FAM20B: variants seen among roughly 807,000 people sequenced by gnomAD.
FAM20B encodes FAM20B glycosaminoglycan xylosylkinase.
Under a neutral mutation model 43.8 loss-of-function variants are expected in FAM20B, and 23 were observed. The observed-to-expected ratio is 0.53, with a 90% CI of 0.38 to 0.74. The LOEUF (loss-of-function observed/expected upper bound fraction) is 0.74. Ranked by LOEUF, FAM20B falls within the 30% of genes least tolerant of loss-of-function variation. The probability of loss-of-function intolerance (pLI) is 0.00; values close to 1 mark genes in which losing one functional copy is unlikely to be tolerated. For synonymous variants in FAM20B, 178 were observed against 192.4 expected (o/e 0.93, Z 0.62); for missense variants, 440 against 510.5 (o/e 0.86, Z 1.33).
intron 7 of FAM20B, among the ~76,000 whole-genome samples, chr1:179,068,460 G>T (rs1447304502): frequency 1.3e-5 from 2 of 151,768 alleles, no homozygotes; most frequent in African/African-American, 4.8e-5. Context: ...TTTGGAGATG[G>T]AGTCTTGCTC....
intron 2 of FAM20B, among the ~76,000 whole-genome samples, chr1:179,046,666 AAAAT>A (rs1176966593): frequency 6.0e-5 from 9 of 151,122 alleles, no homozygotes; most frequent in East Asian, 2.0e-4. Context: ...AACGTAAAAT[AAAAT>A]AAATAAAGAG....
intron 4 of FAM20B, among the ~76,000 whole-genome samples, chr1:179,055,747 A>G (rs952604856): frequency 2.0e-5 from 3 of 152,122 alleles, no homozygotes; most frequent in East Asian, 3.9e-4. Flanking sequence ...GGAAAAGCAG[A>G]GGATTTGTAG....
intron 2 of FAM20B, among the ~76,000 whole-genome samples, chr1:179,048,429 T>A (rs1048248200): frequency 1.3e-5 from 2 of 152,256 alleles, no homozygotes; most frequent in Non-Finnish European, 2.9e-5. Context: ...CCAAAGTTCC[T>A]GTATTCCTCT....
At chr1:179,055,358 T>C (rs142705951) in intron 4 of FAM20B, among the ~76,000 whole-genome samples, 113 of 152,334 alleles carry the variant, frequency 7.4e-4, no homozygotes, top group African/African-American at 2.5e-3. Context: ...CATTAGGGCA[T>C]GACTGTTGAA....
At chr1:179,041,743 CG>C (rs1242823093) in intron 1 of FAM20B, among the ~76,000 whole-genome samples, 2 of 147,530 alleles carry the variant, frequency 1.4e-5, no homozygotes, top group Non-Finnish European at 3.0e-5. Context: ...GAGAGGGAGA[CG>C]GGCAGGGAAA....
intron 7 of FAM20B, among the ~76,000 whole-genome samples, chr1:179,071,431 T>C (rs1457990180): frequency 6.6e-6 from 1 of 152,234 alleles, no homozygotes; most frequent in East Asian, 1.9e-4. Flanking sequence ...GTTAACACTG[T>C]AGTGTACTTC....
At position 179,073,837 on chromosome 1, in the gene FAM20B, A is replaced by G. The variant is rs1652031658; in HGVS notation, c.*1693A>G. On this transcript the variant is annotated 3_prime_UTR_variant, in exon 8 of 8. Transcript: ENST00000263733. Reference sequence around the variant, plus strand: ...TGTGTTCTGGCAAAGTGATCTCAACATGTAAGTAGTTGCAGTAAAACACAG... The same window carrying G: ...TGTGTTCTGGCAAAGTGATCTCAACGTGTAAGTAGTTGCAGTAAAACACAG... 6.6e-6 allele frequency: 1 copy of G among 152,240 alleles called. No homozygotes were observed. Among genetic ancestry groups the G allele is most frequent in the Non-Finnish European group, 1.5e-5 (1 of 68,054 alleles). The allele number at this position is 152,240 out of a possible 1,614,324, so 9.4% of individuals were successfully genotyped here.
At chr1:179,021,290 G>A (rs1300176815), upstream of FAM20B, among the ~76,000 whole-genome samples, 4 of 151,974 alleles carry the variant, frequency 2.6e-5, no homozygotes, top group Non-Finnish European at 5.9e-5. Context: ...ATTGAATTGA[G>A]TCAATAAAAA....
chr1:179,067,426 G>A (rs1047506104), intron 7 of FAM20B, among the ~76,000 whole-genome samples: 3 of 152,136 alleles, frequency 2.0e-5, no homozygotes, highest in Non-Finnish European at 4.4e-5. Flanking sequence ...CCAACATGGC[G>A]AAACCCCGTC....
upstream of FAM20B, among the ~76,000 whole-genome samples, chr1:179,020,834 G>A (rs890494306): frequency 3.9e-5 from 6 of 152,230 alleles, no homozygotes; most frequent in Non-Finnish European, 5.9e-5. Flanking sequence ...ACTTTGGGAG[G>A]CCAAGGCAGG....
intron 2 of FAM20B, among the ~76,000 whole-genome samples, chr1:179,047,959 AT>A (rs1218856087): frequency 6.6e-6 from 1 of 152,202 alleles, no homozygotes; most frequent in African/African-American, 2.4e-5. Context: ...TGGTTTTAAC[AT>A]TTCTGGAGCC....
rs1360509884 is a variant in FAM20B at position 179,041,111 on chromosome 1, A to G, written c.-133-2604A>G. Among the ~76,000 whole-genome samples the G allele has an allele frequency of 6.2e-5, 8 of 128,442 alleles. 1 individual carries two copies. Among genetic ancestry groups the G allele is most frequent in the African/African-American group, 2.6e-4 (7 of 26,516 alleles). The allele number at this position is 128,442 out of a possible 152,430, so 84.3% of individuals were successfully genotyped here. A position where few individuals can be genotyped will look rare whatever the true frequency, so the allele number is the denominator to read the frequency against. On this transcript the variant is annotated intron_variant, in intron 1 of 7. Transcript: ENST00000263733. The stretch of plus-strand genomic sequence containing the variant: ...CCTTGATGGGATGGCGGCCGGGAAG[A>G]GGCGCTCCTCACTTCCTAGATGGGA...
At chr1:179,058,254 T>C (rs567811524) in intron 4 of FAM20B, among the ~76,000 whole-genome samples, 1 of 152,346 alleles carries the variant, frequency 6.6e-6, no homozygotes, top group South Asian at 2.1e-4. Context: ...TCTGCAACAA[T>C]GCTAGTATGA....
intron 1 of FAM20B, among the ~76,000 whole-genome samples, chr1:179,032,506 G>T (rs56093002): frequency 0.037 from 5,583 of 152,028 alleles, 142 homozygotes; most frequent in Non-Finnish European, 0.053. Flanking sequence ...GAGACCCAGA[G>T]AGGTCAGAAG....
At chr1:179,017,479 T>C in the FAM20B span, among the ~76,000 whole-genome samples, 70 of 152,342 alleles carry the variant, frequency 4.6e-4, no homozygotes, top group African/African-American at 1.7e-3. Context: ...TTGAAAACCT[T>C]GCATTTACTT....
chr1:179,056,233 T>TA (rs1651214245), intron 4 of FAM20B, among the ~76,000 whole-genome samples: 2 of 152,214 alleles, frequency 1.3e-5, no homozygotes, highest in Admixed American at 1.3e-4. Context: ...TATACATCAT[T>TA]ATAGTATCAC....
At chr1:179,066,654 TGTTTTC>T in intron 6 of FAM20B, 140 bp from the exon 7 acceptor site, 1 of 639,830 alleles carries the variant, frequency 1.6e-6, no homozygotes. Context: ...ATGCCCCGCT[TGTTTTC>T]AATTTAAGTG....
intron 1 of FAM20B, among the ~76,000 whole-genome samples, chr1:179,035,806 G>T (rs376609658): frequency 1.1e-4 from 17 of 151,972 alleles, no homozygotes; most frequent in African/African-American, 3.9e-4. Flanking sequence ...TAGGATGAGT[G>T]TGTTTGTGTG....
At chr1:179,028,805 T>C (rs1649894481) in intron 1 of FAM20B, among the ~76,000 whole-genome samples, 1 of 152,214 alleles carries the variant, frequency 6.6e-6, no homozygotes, top group South Asian at 2.1e-4. Context: ...ACAATAAATA[T>C]TCGTCAGTTG....
Sources: allele counts gnomAD v4.1 joint callset (sites outside exome capture counted in the v4.1 genomes callset), GRCh38; gene constraint gnomAD v4.1.1; transcripts MANE v1.5; gene names NCBI Gene and HGNC (gene_info 2026-07-23, HGNC 2026-07-21).